PDE6A: variants seen among roughly 807,000 people sequenced by gnomAD.
PDE6A encodes rod cGMP-specific 3',5'-cyclic phosphodiesterase subunit alpha.
A neutral mutation model predicts 106.3 loss-of-function variants in PDE6A; 84 were observed. The ratio of observed to expected loss-of-function variants is 0.79; its 90% CI spans 0.66 to 0.95. The LOEUF (loss-of-function observed/expected upper bound fraction) is 0.95, where lower values mean the gene tolerates loss of function less well. Among genes scored for constraint, PDE6A ranks in the 40% least tolerant of loss-of-function variants. The probability of loss-of-function intolerance (pLI) is 0.00; values close to 1 mark genes in which losing one functional copy is unlikely to be tolerated. For missense variants in PDE6A, 1,052 were observed against 1,084.9 expected (o/e 0.97, Z 0.43); for synonymous variants, 394 against 386.6 (o/e 1.02, Z -0.23).
intron 5 of PDE6A, 54 bp from the exon 6 acceptor site, chr5:149,915,061 G>C: frequency 9.7e-7 from 1 of 1,030,378 alleles, no homozygotes; most frequent in African/African-American, 2.0e-5. Context: ...TTTTGAGACA[G>C]TTTCACTTTG....
Position 149,931,917 on chromosome 5 carries a change from T to C in PDE6A, c.718-749A>G. On this transcript the variant is annotated intron_variant, in intron 3 of 21. Coordinates refer to ENST00000255266, the MANE Select transcript of PDE6A (RefSeq NM_000440.3). Reference sequence around the variant, plus strand: ...TATTTTCAGGTTGTGGACTATAAAATGGCGTACAATGAAGAGACAGAAACA... The same window carrying C: ...TATTTTCAGGTTGTGGACTATAAAACGGCGTACAATGAAGAGACAGAAACA... 3.7e-6 allele frequency: 3 copies of C among 809,130 alleles called. No homozygotes were observed. The Admixed American group carries it at 6.9e-5, about 19-fold the overall frequency. 50.1% of individuals were successfully genotyped at this position (809,130 alleles called of 1,614,324 possible).
chr5:149,869,641 G>A (rs947676651), intron 17 of PDE6A, among the ~76,000 whole-genome samples: 3 of 152,196 alleles, frequency 2.0e-5, no homozygotes, highest in Non-Finnish European at 2.9e-5. Flanking sequence ...AGTGGGGAAC[G>A]GTTGAAGGTT....
intron 11 of PDE6A, 49 bp from the exon 12 acceptor site, chr5:149,896,551 G>T: frequency 6.2e-7 from 1 of 1,614,000 alleles, no homozygotes; most frequent in Non-Finnish European, 8.5e-7. Flanking sequence ...AGTGTTTCTG[G>T]GTGCCCACCT....
chr5:149,874,014 A>G (rs532480362), intron 17 of PDE6A, among the ~76,000 whole-genome samples: 1 of 152,088 alleles, frequency 6.6e-6, no homozygotes, highest in Non-Finnish European at 1.5e-5. Context: ...TCTAAAAAAA[A>G]AAAAAAAGAA....
intron 10 of PDE6A, among the ~76,000 whole-genome samples, chr5:149,897,965 T>C (rs1043008423): frequency 6.6e-6 from 1 of 152,204 alleles, no homozygotes; most frequent in Non-Finnish European, 1.5e-5. Flanking sequence ...GTCTTCCAGA[T>C]AAAGCTTCCT....
intron 17 of PDE6A, among the ~76,000 whole-genome samples, chr5:149,871,601 G>C (rs190371764): frequency 6.6e-6 from 1 of 152,182 alleles, no homozygotes; most frequent in Admixed American, 6.5e-5. Flanking sequence ...AAGGTTGGGG[G>C]AGCTCAGGGA....
chr5:149,858,143 G>A lies in PDE6A; in HGVS notation c.*2752C>T, dbSNP rs925886821. On this transcript the variant is annotated 3_prime_UTR_variant, in exon 22 of 22. Coordinates refer to ENST00000255266, the MANE Select transcript of PDE6A (RefSeq NM_000440.3). ...CAGAAACTTAACCATGGCTATGTGA[G>A]GTGATGGATATATTAATTAGCTTAA... 6.6e-6 allele frequency: 1 copy of A among 152,206 alleles called. No individual in the cohort carries two copies. Among genetic ancestry groups the A allele is most frequent in the East Asian group, 1.9e-4 (1 of 5,200 alleles). 9.4% of individuals were successfully genotyped at this position (152,206 alleles called of 1,614,324 possible). A position where few individuals can be genotyped will look rare whatever the true frequency, so the allele number is the denominator to read the frequency against.
Position 149,888,907 on chromosome 5 carries a change from C to T in PDE6A, c.1729-2533G>A, listed in dbSNP as rs375237406. Among the ~76,000 whole-genome samples, 13 of 151,704 alleles carry T rather than the reference C, an allele frequency of 8.6e-5. No individual in the cohort carries two copies. The East Asian group carries it at 2.3e-3, about 27-fold the overall frequency. On this transcript the variant is annotated intron_variant, in intron 13 of 21. Coordinates refer to ENST00000255266, the MANE Select transcript of PDE6A (RefSeq NM_000440.3). ...GACCATCCTGGCTAACACAGTGAAA[C>T]CCCGTCTCTACTAAAAATACAAAAA... is the stretch of plus-strand genomic sequence containing the variant.
At chr5:149,861,450 G>C (rs948917778) in intron 21 of PDE6A, among the ~76,000 whole-genome samples, 20 of 152,328 alleles carry the variant, frequency 1.3e-4, no homozygotes, top group Non-Finnish European at 8.8e-5. Flanking sequence ...AGAGTTGGAG[G>C]CCAACCTGGG....
At chr5:149,940,888 A>G (rs1336357164) in intron 1 of PDE6A, among the ~76,000 whole-genome samples, 1 of 152,202 alleles carries the variant, frequency 6.6e-6, no homozygotes, top group Non-Finnish European at 1.5e-5. Context: ...TCTATTAAAT[A>G]AGGCAGTTGG....
intron 1 of PDE6A, among the ~76,000 whole-genome samples, chr5:149,935,778 C>T (rs943250118): frequency 5.3e-5 from 8 of 152,336 alleles, no homozygotes; most frequent in Admixed American, 6.5e-5. Flanking sequence ...GCTTGGGAGG[C>T]GGGCCAGCCC....
At chr5:149,872,740 G>A (rs1760607886) in intron 17 of PDE6A, among the ~76,000 whole-genome samples, 1 of 152,220 alleles carries the variant, frequency 6.6e-6, no homozygotes, top group South Asian at 2.1e-4. Flanking sequence ...GTGCAGGCAA[G>A]GGCTGGTGTG....
At chr5:149,896,552 GTGCCCACCTCC>G in intron 11 of PDE6A, 50 bp from the exon 12 acceptor site, 1 of 1,614,050 alleles carries the variant, frequency 6.2e-7, no homozygotes, top group Non-Finnish European at 8.5e-7. Context: ...GTGTTTCTGG[GTGCCCACCTCC>G]TGTCCAGCCC....
At position 149,896,410 on chromosome 5, in the gene PDE6A, T is replaced by TCCA; in HGVS notation, c.1563_1565dup (p.Gly522dup). The TCCA allele has an allele frequency of 6.2e-7, 1 of 1,614,184 alleles. No homozygotes were observed. Among genetic ancestry groups the TCCA allele is most frequent in the Admixed American group, 1.7e-5 (1 of 60,032 alleles). ...CTTTGAGCTCATAATACATCTGTAT[T>TCCA]CCACATTTTACCAGCTCCAGTTCTG... On this transcript the variant is annotated inframe_insertion, in exon 12 of 22. Coordinates refer to ENST00000255266, the MANE Select transcript of PDE6A (RefSeq NM_000440.3).
chr5:149,869,222 C>T (rs183995845), intron 17 of PDE6A, among the ~76,000 whole-genome samples: 4 of 150,960 alleles, frequency 2.6e-5, no homozygotes, highest in Non-Finnish European at 4.4e-5. Flanking sequence ...CCCAGCTACG[C>T]GGGAGGCTGA....
chr5:149,928,227 A>T (rs1246617768), intron 4 of PDE6A, among the ~76,000 whole-genome samples: 15 of 26,484 alleles, frequency 5.7e-4, no homozygotes, highest in South Asian at 1.7e-3. Flanking sequence ...ATATATATAT[A>T]TATATTTTTT....
chr5:149,934,799 G>T, intron 1 of PDE6A, 81 bp from the exon 2 acceptor site: 1 of 1,382,510 alleles, frequency 7.2e-7, no homozygotes. Context: ...TGTTGACAAG[G>T]GAATAAAGGT....
intron 13 of PDE6A, among the ~76,000 whole-genome samples, chr5:149,892,582 C>T (rs960449908): frequency 7.2e-5 from 11 of 151,798 alleles, no homozygotes; most frequent in Non-Finnish European, 1.5e-4. Flanking sequence ...GCCTCAGCCT[C>T]CTGTGTTCAA....
chr5:149,927,062 G>A (rs1273960819), intron 4 of PDE6A, among the ~76,000 whole-genome samples: 1 of 152,020 alleles, frequency 6.6e-6, no homozygotes, highest in Non-Finnish European at 1.5e-5. Context: ...TAATGGCGGG[G>A]ATATGCTCCA....
Sources: gnomAD v4.1 joint callset for allele counts (sites outside exome capture counted in the v4.1 genomes callset) on GRCh38, gnomAD v4.1.1 for gene constraint, MANE v1.5 for transcripts, NCBI Gene and HGNC (gene_info 2026-07-23, HGNC 2026-07-21) for gene names.